DOC2B: variants seen among roughly 807,000 people sequenced by gnomAD.
DOC2B encodes double C2 domain beta.
A neutral mutation model predicts 28.9 loss-of-function variants in DOC2B; 21 were observed. The observed-to-expected ratio is 0.73, with a 90% CI of 0.52 to 1.05. The LOEUF (loss-of-function observed/expected upper bound fraction) is 1.05. Ranked by LOEUF, DOC2B falls within the 50% of genes least tolerant of loss-of-function variation. The pLI is 0.00. For missense variants in DOC2B, 384 were observed against 421.1 expected (o/e 0.91, Z 0.77); for synonymous variants, 194 against 178.1 (o/e 1.09, Z -0.71).
At chr17:162,988 C>T (rs1478202464) in intron 3 of DOC2B, among the ~76,000 whole-genome samples, 3 of 152,208 alleles carry the variant, frequency 2.0e-5, no homozygotes, top group East Asian at 1.9e-4. Context: ...CCGGCCCAGG[C>T]TGGGAGGTCA....
intron 5 of DOC2B, among the ~76,000 whole-genome samples, chr17:157,557 G>C (rs569749057): frequency 9.8e-5 from 15 of 152,290 alleles, no homozygotes; most frequent in Admixed American, 5.9e-4. Flanking sequence ...TGCCTCCCGG[G>C]TTTAAGCGAT....
chr17:149,238 G>A, intron 6 of DOC2B, 46 bp from the exon 7 acceptor site: 1 of 399,404 alleles, frequency 2.5e-6, no homozygotes, highest in Non-Finnish European at 4.4e-6. Context: ...GACATGCTAT[G>A]GGGTATAGAT....
chr17:165,510 C>CG (rs1333366909), intron 2 of DOC2B, among the ~76,000 whole-genome samples: 1 of 147,274 alleles, frequency 6.8e-6, no homozygotes, highest in East Asian at 2.0e-4. Flanking sequence ...AAAAAAAGGG[C>CG]GGGGGTGTAA....
At chr17:165,919 C>T (rs763160228) in intron 2 of DOC2B, among the ~76,000 whole-genome samples, 27 of 152,232 alleles carry the variant, frequency 1.8e-4, no homozygotes, top group African/African-American at 6.5e-4. Flanking sequence ...TCCATTTGGG[C>T]CACGTTTCCT....
chr17:176,489 G>A (rs1446714029), intron 1 of DOC2B, among the ~76,000 whole-genome samples: 1 of 152,220 alleles, frequency 6.6e-6, no homozygotes, highest in Non-Finnish European at 1.5e-5. Context: ...CCAAAGTGCT[G>A]GGATTACAGG....
rs1555523631 is a variant in DOC2B at position 164,226 on chromosome 17, G to A, written c.454-22C>T. The A allele has an allele frequency of 2.0e-6, 3 of 1,522,724 alleles. No individual in the cohort carries two copies. The Admixed American group carries it at 5.9e-5, about 30-fold the overall frequency. The allele number at this position is 1,522,724 out of a possible 1,614,324, so 94.3% of individuals were successfully genotyped here. On this transcript the variant is annotated intron_variant, in intron 2 of 8. Coordinates refer to ENST00000613549, the MANE Select transcript of DOC2B (RefSeq NM_003585.5). ...GGCCCTGGGCAGAGAAGAGCAAACG[G>A]TGTGAACTGGAAATCGGGGACATGG...
intron 1 of DOC2B, among the ~76,000 whole-genome samples, chr17:174,429 T>C (rs2040346455): frequency 6.6e-6 from 1 of 152,210 alleles, no homozygotes; most frequent in African/African-American, 2.4e-5. Context: ...GTGGGTTTTC[T>C]AGCTAACAGT....
At chr17:175,131 G>T (rs934849718) in intron 1 of DOC2B, among the ~76,000 whole-genome samples, 1 of 152,190 alleles carries the variant, frequency 6.6e-6, no homozygotes, top group South Asian at 2.1e-4. Context: ...CCAGCTACTC[G>T]GGAGGCTGAG....
chr17:153,822 A>T (rs1482576158), intron 6 of DOC2B, among the ~76,000 whole-genome samples: 1 of 152,118 alleles, frequency 6.6e-6, no homozygotes, highest in Non-Finnish European at 1.5e-5. Flanking sequence ...GCAAACCAGT[A>T]TCCTACTGTG....
In DOC2B at chr17:162,163, GGA is replaced by G; in HGVS notation, c.554_555del (p.Leu185ProfsTer2). 1 of 1,551,814 alleles carries G rather than the reference GGA, an allele frequency of 6.4e-7. No homozygotes were observed. The highest frequency in any genetic ancestry group is 8.7e-7 in the Non-Finnish European group (1 of 1,146,948). On this transcript the variant is annotated frameshift_variant, in exon 4 of 9. Coordinates refer to ENST00000613549, the MANE Select transcript of DOC2B (RefSeq NM_003585.5). LOFTEE classifies it high-confidence loss of function. Reference sequence around the variant, plus strand: ...TTCCATGTGGGGTTCAGAGTGTTACGGAGAGTTTTTGTTCTGAGCTTATTTGC... The same window carrying G: ...TTCCATGTGGGGTTCAGAGTGTTACGGAGTTTTTGTTCTGAGCTTATTTGC... ...SKANKLRTKT[L>X]RNTLNPTWNE...
At chr17:177,848 C>T (rs371760802) in intron 1 of DOC2B, among the ~76,000 whole-genome samples, 3 of 152,388 alleles carry the variant, frequency 2.0e-5, no homozygotes, top group East Asian at 1.9e-4. Context: ...CCCCCTAACA[C>T]GGAGAACCTT....
intron 6 of DOC2B, among the ~76,000 whole-genome samples, chr17:153,291 G>A (rs1265601120): frequency 1.3e-5 from 2 of 152,246 alleles, no homozygotes; most frequent in African/African-American, 4.8e-5. Context: ...CCGCCTGCCT[G>A]TGGAAGTTGA....
chr17:180,546 C>T (rs1431695124), intron 1 of DOC2B, among the ~76,000 whole-genome samples: 5 of 152,138 alleles, frequency 3.3e-5, no homozygotes, highest in Non-Finnish European at 5.9e-5. Context: ...CCGCGGTCCT[C>T]CTGGTCCTCT....
intron 6 of DOC2B, 194 bp downstream of exon 6, chr17:156,026 A>G (rs1173302619): frequency 3.3e-6 from 2 of 602,576 alleles, no homozygotes; most frequent in Non-Finnish European, 2.8e-6. Flanking sequence ...TCTGTCCCTC[A>G]GTTTCCCCAT....
intron 1 of DOC2B, among the ~76,000 whole-genome samples, chr17:173,203 C>G (rs1436265411): frequency 6.6e-6 from 1 of 152,164 alleles, no homozygotes; most frequent in Non-Finnish European, 1.5e-5. Flanking sequence ...AGTGGTAACT[C>G]CCAAAAGCCG....
intron 1 of DOC2B, among the ~76,000 whole-genome samples, chr17:176,506 C>A (rs898859920): frequency 6.6e-6 from 1 of 152,162 alleles, no homozygotes; most frequent in South Asian, 2.1e-4. Context: ...CAGGCACACA[C>A]GGGCCACTCT....
intron 4 of DOC2B, 112 bp downstream of exon 4, chr17:161,969 T>G: frequency 1.3e-5 from 10 of 751,220 alleles, no homozygotes; most frequent in Non-Finnish European, 2.0e-5. Flanking sequence ...GTTGCTGGCA[T>G]GAGGTTGAAC....
chr17:179,647 G>A (rs983434050), intron 1 of DOC2B, among the ~76,000 whole-genome samples: 2 of 146,818 alleles, frequency 1.4e-5, no homozygotes, highest in Admixed American at 6.9e-5. Flanking sequence ...GGTGAGCTTC[G>A]CACAGGGTGC....
intron 2 of DOC2B, among the ~76,000 whole-genome samples, chr17:169,476 C>G (rs1009240538): frequency 4.0e-5 from 6 of 151,580 alleles, no homozygotes; most frequent in Non-Finnish European, 8.8e-5. Context: ...GAACTGTACG[C>G]TAAAAATGGT....
Sources: gnomAD v4.1 joint callset for allele counts (sites outside exome capture counted in the v4.1 genomes callset) on GRCh38, gnomAD v4.1.1 for gene constraint, MANE v1.5 for transcripts, NCBI Gene and HGNC (gene_info 2026-07-23, HGNC 2026-07-21) for gene names.